PI4K2B: variants seen among roughly 807,000 people sequenced by gnomAD.
PI4K2B encodes the protein phosphatidylinositol 4-kinase type 2 beta, also known as phosphatidylinositol 4-kinase type 2-beta.
PI4K2B carries 46 observed loss-of-function variants against 56.6 expected under a neutral mutation model. That is an observed-to-expected ratio of 0.81 (90% CI 0.64 to 1.04). The LOEUF (loss-of-function observed/expected upper bound fraction) is 1.04. Among genes scored for constraint, PI4K2B ranks in the 50% least tolerant of loss-of-function variants. PI4K2B has a pLI of 0.00. For missense variants in PI4K2B, 556 were observed against 607.7 expected (o/e 0.91, Z 0.89); for synonymous variants, 211 against 223.8 (o/e 0.94, Z 0.51).
At chr4:25,268,413 A>G (rs1716745922) in intron 7 of PI4K2B, 30 bp from the exon 8 acceptor site, 1 of 1,571,656 alleles carries the variant, frequency 6.4e-7, no homozygotes, top group African/African-American at 1.4e-5. Context: ...ATTTCCTACC[A>G]CTGATTAGGA....
At chr4:25,261,025 T>A (rs1716457559) in intron 6 of PI4K2B, among the ~76,000 whole-genome samples, 1 of 152,000 alleles carries the variant, frequency 6.6e-6, no homozygotes, top group South Asian at 2.1e-4. Context: ...TTTTTTCTTT[T>A]ATTAATTGTT....
intron 1 of PI4K2B, among the ~76,000 whole-genome samples, chr4:25,250,350 A>T (rs1489007333): frequency 6.6e-6 from 1 of 152,184 alleles, no homozygotes; most frequent in African/African-American, 2.4e-5. Flanking sequence ...AGGAACAGAA[A>T]ACCAAACAAC....
chr4:25,234,578 C>T (rs993068382), intron 1 of PI4K2B, 147 bp downstream of exon 1: 7 of 503,718 alleles, frequency 1.4e-5, no homozygotes, highest in Non-Finnish European at 1.8e-5. Flanking sequence ...GGACCGGCGC[C>T]AGCCGCAGCC....
At chr4:25,257,726 C>G (rs554567454) in intron 4 of PI4K2B, among the ~76,000 whole-genome samples, 1 of 152,294 alleles carries the variant, frequency 6.6e-6, no homozygotes, top group South Asian at 2.1e-4. Context: ...ATTAACCTAA[C>G]TTTTAAGATA....
At chr4:25,240,184 G>C (rs955148543) in intron 1 of PI4K2B, among the ~76,000 whole-genome samples, 3 of 152,300 alleles carry the variant, frequency 2.0e-5, no homozygotes, top group Admixed American at 2.0e-4. Flanking sequence ...GGCATTGTCT[G>C]ATTTCAGAAG....
intron 9 of PI4K2B, chr4:25,276,303 A>T: frequency 2.8e-6 from 1 of 354,998 alleles, no homozygotes. Context: ...ATCTTTGAAC[A>T]TGATATGTAA....
chr4:25,266,664 A>G (rs1165502374), intron 7 of PI4K2B, among the ~76,000 whole-genome samples: 1 of 152,210 alleles, frequency 6.6e-6, no homozygotes, highest in East Asian at 1.9e-4. Flanking sequence ...AGGAAATTTT[A>G]CCAAACATGC....
chr4:25,274,126 T>C (rs1422948137), intron 9 of PI4K2B, among the ~76,000 whole-genome samples: 1 of 152,208 alleles, frequency 6.6e-6, no homozygotes, highest in Middle Eastern at 3.2e-3. Flanking sequence ...TAAATCAACA[T>C]ATGGGGTACA....
intron 1 of PI4K2B, among the ~76,000 whole-genome samples, chr4:25,243,168 C>G (rs7695868): frequency 1.3e-5 from 2 of 151,992 alleles, no homozygotes; most frequent in African/African-American, 2.4e-5. Context: ...TTAAACATAC[C>G]CAGGGCTCAG....
At chr4:25,236,614 T>C (rs1211494620) in intron 1 of PI4K2B, among the ~76,000 whole-genome samples, 1 of 152,240 alleles carries the variant, frequency 6.6e-6, no homozygotes, top group Non-Finnish European at 1.5e-5. Context: ...GCCATTATTC[T>C]CATTATGAGG....
intron 1 of PI4K2B, among the ~76,000 whole-genome samples, chr4:25,248,597 GGTT>G (rs1328611366): frequency 1.4e-5 from 1 of 72,528 alleles, no homozygotes. Flanking sequence ...CATGATGTAT[GGTT>G]TTTTTTTTTT....
intron 6 of PI4K2B, among the ~76,000 whole-genome samples, chr4:25,262,334 C>T (rs1005728208): frequency 6.6e-6 from 1 of 151,862 alleles, no homozygotes; most frequent in African/African-American, 2.4e-5. Context: ...GAGCAAGACC[C>T]TGTCTCAAAA....
rs768786086 is a variant in PI4K2B at position 25,234,256 on chromosome 4, G to A, written c.93G>A (p.Pro31=). 7.0e-7 allele frequency: 1 copy of A among 1,426,360 alleles called. No individual in the cohort carries two copies. 88.4% of individuals were successfully genotyped at this position (1,426,360 alleles called of 1,614,324 possible). A position where few individuals can be genotyped will look rare whatever the true frequency, so the allele number is the denominator to read the frequency against. The stretch of plus-strand genomic sequence containing the variant: ...ATGGGGAGCGGGAGCCGCTGCTACC[G>A]CGGATCGCCTGGGCCCACCCGCGGA... ...EEDGEREPLL[P]RIAWAHPRRG... is the part of the protein sequence containing the mutation. Residue 31 remains proline, a synonymous_variant, in exon 1 of 10, where the codon CCG becomes CCA. Coordinates refer to ENST00000264864, the MANE Select transcript of PI4K2B (RefSeq NM_018323.4).
At chr4:25,269,358 C>T (rs551556542) in intron 9 of PI4K2B, among the ~76,000 whole-genome samples, 155 bp downstream of exon 9, 8 of 152,170 alleles carry the variant, frequency 5.3e-5, no homozygotes, top group African/African-American at 7.2e-5. Flanking sequence ...TTGATTCGGC[C>T]GACTGCAGTG....
Position 25,253,184 on chromosome 4 carries a change from A to C in PI4K2B, c.423+709A>C, listed in dbSNP as rs147815101. ...TTGATTTTTTTTCAAAGGTATGTGA[A>C]TACCTTTTCTGGCATTTTACCAGGG... is the stretch of plus-strand genomic sequence containing the variant. On this transcript the variant is annotated intron_variant, in intron 2 of 9. Coordinates refer to ENST00000264864, the MANE Select transcript of PI4K2B (RefSeq NM_018323.4). Among the ~76,000 whole-genome samples the C allele has an allele frequency of 6.2e-3, 946 of 152,298 alleles. 10 individuals carry two copies. Among genetic ancestry groups the C allele is most frequent in the African/African-American group, 0.021 (892 of 41,556 alleles).
chr4:25,252,244 C>T, intron 1 of PI4K2B, 77 bp from the exon 2 acceptor site: 1 of 1,023,752 alleles, frequency 9.8e-7, no homozygotes, highest in Non-Finnish European at 1.5e-6. Flanking sequence ...ACCTTATATC[C>T]TGATACCGGC....
intron 1 of PI4K2B, among the ~76,000 whole-genome samples, chr4:25,242,826 T>G (rs2109086375): frequency 6.6e-6 from 1 of 152,342 alleles, no homozygotes; most frequent in Non-Finnish European, 1.5e-5. Context: ...GTCCTTCCAA[T>G]GCCCAGACTT....
chr4:25,235,494 G>C (rs1715221317), intron 1 of PI4K2B, among the ~76,000 whole-genome samples: 1 of 152,190 alleles, frequency 6.6e-6, no homozygotes, highest in Non-Finnish European at 1.5e-5. Flanking sequence ...CTACATTCAG[G>C]CATATTCTAG....
At chr4:25,239,022 C>T (rs1715395845) in intron 1 of PI4K2B, among the ~76,000 whole-genome samples, 1 of 152,174 alleles carries the variant, frequency 6.6e-6, no homozygotes, top group Non-Finnish European at 1.5e-5. Flanking sequence ...CAAAAGTTCT[C>T]CAAGTCCCCA....
Sources: allele counts gnomAD v4.1 joint callset (sites outside exome capture counted in the v4.1 genomes callset), GRCh38; gene constraint gnomAD v4.1.1; transcripts MANE v1.5; gene names NCBI Gene and HGNC (gene_info 2026-07-23, HGNC 2026-07-21).